The following SLCO1B1 variants were observed in gnomAD, a reference collection of about 807,000 sequenced individuals.
SLCO1B1 encodes solute carrier organic anion transporter family member 1B1, also known as OATP-2.
Under a neutral mutation model 70.1 loss-of-function variants are expected in SLCO1B1, and 81 were observed. The observed-to-expected ratio is 1.16, with a 90% confidence interval of 0.97 to 1.39. SLCO1B1 has a LOEUF of 1.39. SLCO1B1 is among the 40% of genes most tolerant of loss of function. SLCO1B1 has a pLI of 0.00. For missense variants in SLCO1B1, 895 were observed against 799.6 expected (o/e 1.12, Z -1.44); for synonymous variants, 283 against 271.5 (o/e 1.04, Z -0.42).
At chr12:21,142,858 C>A (rs1940330723) in intron 2 of SLCO1B1, among the ~76,000 whole-genome samples, 1 of 151,926 alleles carries the variant, frequency 6.6e-6, no homozygotes, top group Non-Finnish European at 1.5e-5. Context: ...CCAGAGTGAT[C>A]CCTTATAGCA....
At position 21,202,570 on chromosome 12, in the gene SLCO1B1, T is replaced by A. The variant is rs958786462; in HGVS notation, c.1215T>A (p.Val405=). Residue 405 remains valine, a synonymous_variant, in exon 10 of 15, where the codon GTT becomes GTA. Coordinates refer to ENST00000256958, the MANE Select transcript of SLCO1B1 (RefSeq NM_006446.5). ...TTAAAAAATTCAAACTGAACACCGT[T>A]GGAATTGCCAAATTCTCATGTTTTA... is the stretch of plus-strand genomic sequence containing the variant. The part of the protein sequence containing the change: ...YIIKKFKLNT[V]GIAKFSCFTA... 8 of 1,612,482 alleles carry A rather than the reference T, an allele frequency of 5.0e-6. No individual in the cohort carries two copies. In the Admixed American group the frequency reaches 1.0e-4, roughly 20 times the overall value.
Position 21,217,237 on chromosome 12 carries a change from C to G in SLCO1B1, c.1616C>G (p.Ala539Gly). The G allele has an allele frequency of 6.2e-7, 1 of 1,613,594 alleles. No individual in the cohort carries two copies. The highest frequency in any genetic ancestry group is 8.5e-7 in the Non-Finnish European group (1 of 1,179,648). Residue 539 changes from alanine to glycine, a missense_variant, in exon 12 of 15, where the codon GCA becomes GGA. Physicochemically the swap from Ala to Gly is moderately conservative, Grantham distance 60. Transcript: ENST00000256958. Reference protein sequence around the residue: ...ACTRKFYFFVAIQVLNLFFSA... With the variant: ...ACTRKFYFFVGIQVLNLFFSA... Reference sequence around the variant, plus strand: ...ACAAGGAAATTTTACTTTTTTGTTGCAATACAAGTCTTGAATTTATTTTTC... The same window carrying G: ...ACAAGGAAATTTTACTTTTTTGTTGGAATACAAGTCTTGAATTTATTTTTC...
chr12:21,238,859 A>G, intron 14 of SLCO1B1, 120 bp from the exon 15 acceptor site: 2 of 549,916 alleles, frequency 3.6e-6, no homozygotes, highest in Non-Finnish European at 6.3e-6. Flanking sequence ...TATTAGAATT[A>G]TTGTCTTAAT....
At chr12:21,232,821 G>A (rs1030720020) in intron 14 of SLCO1B1, among the ~76,000 whole-genome samples, 236 of 152,040 alleles carry the variant, frequency 1.6e-3, no homozygotes, top group African/African-American at 5.4e-3. Context: ...AGCATACCAC[G>A]TTTCTGGGTT....
intron 1 of SLCO1B1, among the ~76,000 whole-genome samples, chr12:21,138,183 A>G (rs896033058): frequency 8.5e-5 from 13 of 152,150 alleles, no homozygotes; most frequent in East Asian, 1.9e-4. Context: ...GCATAAGTAC[A>G]TGGTAGAAAT....
At chr12:21,207,961 A>G (rs761869606) in intron 11 of SLCO1B1, among the ~76,000 whole-genome samples, 1 of 151,848 alleles carries the variant, frequency 6.6e-6, no homozygotes, top group Non-Finnish European at 1.5e-5. Flanking sequence ...GTGTCTGTTC[A>G]TGTCCTTTGT....
rs542572546 is a variant in SLCO1B1 at position 21,172,691 on chromosome 12, A to C, written c.126A>C (p.Thr42=). Residue 42 remains threonine, a synonymous_variant, in exon 3 of 15, where the codon ACA becomes ACC. Coordinates refer to ENST00000256958, the MANE Select transcript of SLCO1B1 (RefSeq NM_006446.5). ...AALSLSFIAK[T]LGAIIMKSSI... ...TGTCACTCAGCTTTATTGCTAAGAC[A>C]CTAGGTGCAATTATTATGAAAAGTT... The C allele has an allele frequency of 1.2e-6, 2 of 1,613,726 alleles. No individual in the cohort carries two copies. Among genetic ancestry groups the C allele is most frequent in the Non-Finnish European group, 1.7e-6 (2 of 1,179,866 alleles).
At position 21,217,241 on chromosome 12, in the gene SLCO1B1, A is replaced by G; in HGVS notation, c.1620A>G (p.Ile540Met). Residue 540 changes from isoleucine (I) to methionine (M), a missense_variant, in exon 12 of 15, where the codon ATA becomes ATG. Physicochemically the swap from Ile to Met is conservative, Grantham distance 10. Coordinates refer to ENST00000256958, the MANE Select transcript of SLCO1B1 (RefSeq NM_006446.5). Reference sequence around the variant, plus strand: ...GGAAATTTTACTTTTTTGTTGCAATACAAGTCTTGAATTTATTTTTCTCTG... The same window carrying G: ...GGAAATTTTACTTTTTTGTTGCAATGCAAGTCTTGAATTTATTTTTCTCTG... ...CTRKFYFFVA[I>M]QVLNLFFSAL... The G allele has an allele frequency of 6.2e-7, 1 of 1,613,746 alleles. No homozygotes were observed. Among genetic ancestry groups the G allele is most frequent in the East Asian group, 2.2e-5 (1 of 44,816 alleles).
chr12:21,141,104 A>C (rs556951412), intron 1 of SLCO1B1, among the ~76,000 whole-genome samples: 1 of 151,828 alleles, frequency 6.6e-6, no homozygotes, highest in Non-Finnish European at 1.5e-5. Flanking sequence ...TTGAATATCT[A>C]CTCTGTGCAA....
intron 1 of SLCO1B1, among the ~76,000 whole-genome samples, chr12:21,137,842 G>C (rs915708886): frequency 6.6e-6 from 1 of 152,180 alleles, no homozygotes; most frequent in African/African-American, 2.4e-5. Flanking sequence ...TTCACCCACT[G>C]TCCTGCACCT....
chr12:21,216,968 A>G (rs1416938705), intron 11 of SLCO1B1, 151 bp from the exon 12 acceptor site: 3 of 642,714 alleles, frequency 4.7e-6, no homozygotes, highest in Admixed American at 2.8e-5. Context: ...TTTACCTTTT[A>G]TCTCTTAAGC....
intron 2 of SLCO1B1, among the ~76,000 whole-genome samples, chr12:21,167,818 CTT>C (rs202063952): frequency 1.7e-4 from 22 of 132,016 alleles, no homozygotes; most frequent in Non-Finnish European, 2.0e-4. Flanking sequence ...TCTTTCTTTT[CTT>C]TTTTTTTTTT....
chr12:21,238,927 T>C, intron 14 of SLCO1B1, 52 bp from the exon 15 acceptor site: 1 of 1,120,280 alleles, frequency 8.9e-7, no homozygotes, highest in Non-Finnish European at 1.3e-6. Flanking sequence ...TGTTTTAAGT[T>C]ATTACACACA....
At chr12:21,164,437 T>G (rs1940660314) in intron 2 of SLCO1B1, among the ~76,000 whole-genome samples, 1 of 152,140 alleles carries the variant, frequency 6.6e-6, no homozygotes, top group African/African-American at 2.4e-5. Context: ...AACTTCTCCT[T>G]GTGTGTCTGT....
intron 1 of SLCO1B1, among the ~76,000 whole-genome samples, chr12:21,138,800 G>A (rs554865835): frequency 6.6e-6 from 1 of 152,266 alleles, no homozygotes; most frequent in African/African-American, 2.4e-5. Context: ...AGGATTGAAA[G>A]AAACATACAA....
intron 11 of SLCO1B1, among the ~76,000 whole-genome samples, chr12:21,212,423 G>A (rs1290899686): frequency 7.4e-6 from 1 of 134,524 alleles, no homozygotes; most frequent in East Asian, 2.2e-4. Context: ...ACTGTGGTCT[G>A]AGAGATAGTT....
chr12:21,172,947 G>C (rs185340249), intron 3 of SLCO1B1, among the ~76,000 whole-genome samples, 156 bp downstream of exon 3: 1 of 152,274 alleles, frequency 6.6e-6, no homozygotes, highest in East Asian at 1.9e-4. Flanking sequence ...ACAGGGGTTG[G>C]GGGCAATGGA....
Position 21,196,993 on chromosome 12 carries a change from T to G in SLCO1B1, c.775T>G (p.Trp259Gly). ...PTDSRWVGAW[W>G]LNFLVSGLFS... ...TGATTCTCGATGGGTTGGAGCTTGG[T>G]GGCTTAATTTCCTTGTGTCTGGACT... is the stretch of plus-strand genomic sequence containing the variant. Residue 259 changes from tryptophan (W) to glycine (G), a missense_variant, in exon 8 of 15, where the codon TGG (tryptophan) becomes GGG (glycine). Transcript: ENST00000256958. 1 of 1,613,696 alleles carries G rather than the reference T, an allele frequency of 6.2e-7. No individual in the cohort carries two copies. Among genetic ancestry groups the G allele is most frequent in the South Asian group, 1.1e-5 (1 of 91,072 alleles).
At chr12:21,140,038 G>A (rs1271313744) in intron 1 of SLCO1B1, among the ~76,000 whole-genome samples, 1 of 151,994 alleles carries the variant, frequency 6.6e-6, no homozygotes, top group Non-Finnish European at 1.5e-5. Context: ...ATTAAATAAA[G>A]TGTCTTTAAA....
Sources: gnomAD v4.1 joint callset for allele counts (sites outside exome capture counted in the v4.1 genomes callset) on GRCh38, gnomAD v4.1.1 for gene constraint, MANE v1.5 for transcripts, NCBI Gene and HGNC (gene_info 2026-07-23, HGNC 2026-07-21) for gene names.